ALK: variants seen among roughly 807,000 people sequenced by gnomAD.
ALK encodes ALK tyrosine kinase receptor.
ALK carries 74 observed loss-of-function variants against 163.1 expected under a neutral mutation model. The ratio of observed to expected loss-of-function variants is 0.45; its 90% CI spans 0.38 to 0.55. The LOEUF (loss-of-function observed/expected upper bound fraction) is 0.55, where lower values mean the gene tolerates loss of function less well. Among genes scored for constraint, ALK ranks in the 20% least tolerant of loss-of-function variants. The pLI is 0.00. For synonymous variants in ALK, 960 were observed against 843.2 expected (o/e 1.14, Z -2.40); for missense variants, 2,063 against 2,105.3 (o/e 0.98, Z 0.39).
chr2:29,740,862 C>T (rs1463719510), intron 1 of ALK, among the ~76,000 whole-genome samples: 2 of 151,968 alleles, frequency 1.3e-5, no homozygotes, highest in Non-Finnish European at 2.9e-5. Context: ...ATTAGCCAGG[C>T]GTGGTGGTGG....
chr2:29,595,558 G>C (rs1225217798), intron 3 of ALK, among the ~76,000 whole-genome samples: 1 of 152,082 alleles, frequency 6.6e-6, no homozygotes, highest in African/African-American at 2.4e-5. Flanking sequence ...CTGACCTCAT[G>C]ATCCGCCCGC....
At chr2:29,212,038 G>A (rs1669479581) in intron 24 of ALK, among the ~76,000 whole-genome samples, 1 of 152,162 alleles carries the variant, frequency 6.6e-6, no homozygotes, top group African/African-American at 2.4e-5. Flanking sequence ...ATGTCAAAAG[G>A]TCAGAGGACA....
chr2:29,734,142 C>T (rs1339875551), intron 1 of ALK, among the ~76,000 whole-genome samples: 2 of 152,084 alleles, frequency 1.3e-5, no homozygotes, highest in Admixed American at 6.5e-5. Flanking sequence ...AACACTGGGC[C>T]CAGGACTCAG....
intron 4 of ALK, among the ~76,000 whole-genome samples, chr2:29,431,062 C>T (rs1670261399): frequency 6.6e-6 from 1 of 151,040 alleles, no homozygotes; most frequent in Non-Finnish European, 1.5e-5. Flanking sequence ...ATAATCACTT[C>T]CACCAAAGAC....
intron 4 of ALK, among the ~76,000 whole-genome samples, chr2:29,429,681 T>C (rs923810913): frequency 2.6e-5 from 4 of 152,036 alleles, no homozygotes; most frequent in African/African-American, 9.7e-5. Flanking sequence ...TTAAATATAA[T>C]CCCTATCAGA....
intron 3 of ALK, among the ~76,000 whole-genome samples, chr2:29,615,753 A>G (rs1462427113): frequency 6.6e-6 from 1 of 152,224 alleles, no homozygotes; most frequent in African/African-American, 2.4e-5. Context: ...TTTTGCTGAT[A>G]TCAGTAGGTC....
chr2:29,833,203 G>T (rs1665467038), intron 1 of ALK, among the ~76,000 whole-genome samples: 1 of 152,166 alleles, frequency 6.6e-6, no homozygotes, highest in African/African-American at 2.4e-5. Flanking sequence ...ATCTCTCCAG[G>T]TATCAGATTG....
chr2:29,492,795 C>T (rs7602502), intron 4 of ALK, among the ~76,000 whole-genome samples: 55,684 of 152,020 alleles, frequency 0.37, 10,594 homozygotes, highest in East Asian at 0.68. Context: ...GCAGATTAGA[C>T]GTAGGTAACT....
At chr2:29,559,415 T>G (rs1673956700) in intron 3 of ALK, among the ~76,000 whole-genome samples, 1 of 152,238 alleles carries the variant, frequency 6.6e-6, no homozygotes, top group Non-Finnish European at 1.5e-5. Flanking sequence ...TGGGCTGAAT[T>G]CTGCATCACT....
At chr2:29,802,680 C>G (rs1411826121) in intron 1 of ALK, among the ~76,000 whole-genome samples, 2 of 151,514 alleles carry the variant, frequency 1.3e-5, no homozygotes, top group Non-Finnish European at 2.9e-5. Flanking sequence ...GATTTTTTCT[C>G]TACCCATCCC....
At position 29,665,795 on chromosome 2, in the gene ALK, G is replaced by A. The variant is rs186151574; in HGVS notation, c.952+29055C>T. 2.0e-3 allele frequency among the ~76,000 whole-genome samples: 309 copies of A among 152,102 alleles called. 1 individual carries two copies. The highest frequency in any genetic ancestry group is 3.7e-3 in the Non-Finnish European group (251 of 67,998). ...CCAGAATGAGTTTAAGCCTGGGATT[G>A]GAACCTACGTAGACTTGCTAGCTTT... On this transcript the variant is annotated intron_variant, in intron 3 of 28. Transcript: ENST00000389048.
At chr2:29,689,555 T>A (rs1374059205) in intron 3 of ALK, among the ~76,000 whole-genome samples, 1 of 152,166 alleles carries the variant, frequency 6.6e-6, no homozygotes. Context: ...CTAATCAGAC[T>A]TCCTGAAGGG....
At chr2:29,583,741 T>C (rs1045240290) in intron 3 of ALK, among the ~76,000 whole-genome samples, 9 of 152,146 alleles carry the variant, frequency 5.9e-5, no homozygotes, top group Non-Finnish European at 1.2e-4. Context: ...ATGAACCAGA[T>C]AAGCTATTCT....
At chr2:29,789,114 C>T (rs189942207) in intron 1 of ALK, among the ~76,000 whole-genome samples, 34 of 150,390 alleles carry the variant, frequency 2.3e-4, no homozygotes, top group African/African-American at 8.3e-4. Flanking sequence ...ATTGCAATAT[C>T]CCAAGGCAAT....
rs761101687 is a variant in ALK at position 29,193,266 on chromosome 2, G to C, written c.4821C>G (p.Thr1607=). The change falls in exon 29 of 29, where the codon ACC becomes ACG. Residue 1607 remains threonine (T), a synonymous_variant. Coordinates refer to ENST00000389048, the MANE Select transcript of ALK (RefSeq NM_004304.5). ...TAPGAGHYED[T]ILKSKNSMNQ... is the part of the protein sequence containing the mutation. Reference sequence around the variant, plus strand: ...TCATGCTATTCTTGCTTTTCAGAATGGTATCCTCGTAATGACCAGCTCCAG... The same window carrying C: ...TCATGCTATTCTTGCTTTTCAGAATCGTATCCTCGTAATGACCAGCTCCAG... The C allele has an allele frequency of 5.3e-5, 85 of 1,614,146 alleles. No homozygotes were observed. The South Asian group carries it at 7.5e-4, about 14-fold the overall frequency.
chr2:29,396,067 G>C (rs1669295540), intron 4 of ALK, among the ~76,000 whole-genome samples: 1 of 152,150 alleles, frequency 6.6e-6, no homozygotes, highest in African/African-American at 2.4e-5. Context: ...TGAGTGAGGA[G>C]AGGGATCACA....
chr2:29,616,518 C>T (rs1054295970), intron 3 of ALK, among the ~76,000 whole-genome samples: 4 of 152,132 alleles, frequency 2.6e-5, no homozygotes, highest in Non-Finnish European at 4.4e-5. Flanking sequence ...AAAACAGACG[C>T]CCCCTGATGA....
At chr2:29,588,205 G>A (rs889919275) in intron 3 of ALK, among the ~76,000 whole-genome samples, 1 of 151,948 alleles carries the variant, frequency 6.6e-6, no homozygotes, top group Non-Finnish European at 1.5e-5. Context: ...GCTATTCATG[G>A]AAAAAGAGAT....
At chr2:29,517,436 C>G (rs1672702415) in intron 4 of ALK, among the ~76,000 whole-genome samples, 1 of 152,140 alleles carries the variant, frequency 6.6e-6, no homozygotes, top group Non-Finnish European at 1.5e-5. Flanking sequence ...GTGCTAAGAG[C>G]TTTCATCCAC....
Sources: gnomAD v4.1 joint callset for allele counts (sites outside exome capture counted in the v4.1 genomes callset) on GRCh38, gnomAD v4.1.1 for gene constraint, MANE v1.5 for transcripts, NCBI Gene and HGNC (gene_info 2026-07-23, HGNC 2026-07-21) for gene names.